Variants in DSCAM observed in about 807,000 individuals in gnomAD.
DSCAM encodes the protein cell adhesion molecule DSCAM.
In DSCAM, 47 loss-of-function variants were observed where a neutral mutation model predicts 217.7. That is an observed-to-expected ratio of 0.22 (90% CI 0.17 to 0.28). The LOEUF is 0.28. DSCAM is among the 10% of genes least tolerant of loss of function. DSCAM has a pLI of 1.00. For synonymous variants in DSCAM, 1,056 were observed against 1,015.3 expected, an observed-to-expected ratio of 1.04 and a Z score of -0.76; for missense variants, 2,080 against 2,618.3, an observed-to-expected ratio of 0.79 and a Z score of 4.49.
intron 16 of DSCAM, among the ~76,000 whole-genome samples, chr21:40,164,291 T>C (rs1305978490): frequency 3.9e-5 from 6 of 152,058 alleles, no homozygotes; most frequent in Admixed American, 6.5e-5. Context: ...GGTAAGCATG[T>C]TACAAACTGC....
At chr21:40,065,357 A>G (rs1309489071) in intron 27 of DSCAM, among the ~76,000 whole-genome samples, 1 of 152,120 alleles carries the variant, frequency 6.6e-6, no homozygotes, top group Non-Finnish European at 1.5e-5. Flanking sequence ...ATATCCCCAT[A>G]GAGAGAGTGC....
chr21:40,099,678 A>C (rs1601328852), intron 20 of DSCAM, among the ~76,000 whole-genome samples: 1 of 152,332 alleles, frequency 6.6e-6, no homozygotes, highest in East Asian at 1.9e-4. Context: ...TTAAAGCGTG[A>C]GAATGCTCCT....
rs147929762 is a variant in DSCAM at position 40,659,839 on chromosome 21, A to G, written c.508+32971T>C. On this transcript the variant is annotated intron_variant, in intron 3 of 32. Transcript: ENST00000400454. ...TTTAAAGCTAAAGCCAACGATAGAA[A>G]CCATAATTAATAATATTTTCAGACA... Among the ~76,000 whole-genome samples the G allele has an allele frequency of 2.9e-3, 444 of 152,360 alleles. 5 individuals carry two copies. Among genetic ancestry groups the G allele is most frequent in the African/African-American group, 6.9e-3 (287 of 41,586 alleles).
chr21:40,139,469 C>T (rs1228278353), intron 18 of DSCAM, among the ~76,000 whole-genome samples: 1 of 151,920 alleles, frequency 6.6e-6, no homozygotes, highest in Non-Finnish European at 1.5e-5. Context: ...GGAAGGGTTG[C>T]GTTCTTCTGA....
intron 11 of DSCAM, among the ~76,000 whole-genome samples, chr21:40,209,037 C>A (rs1265632499): frequency 6.6e-6 from 1 of 152,186 alleles, no homozygotes. Flanking sequence ...ATTTTGAGAA[C>A]TCGCATTCAG....
intron 3 of DSCAM, among the ~76,000 whole-genome samples, chr21:40,637,632 A>ATATAAATATATATAT (rs1555875012): frequency 2.4e-5 from 1 of 42,228 alleles, no homozygotes; most frequent in Non-Finnish European, 4.2e-5. Context: ...TACATATATA[A>ATATAAATATATATAT]ATATATATAA....
intron 11 of DSCAM, among the ~76,000 whole-genome samples, chr21:40,241,885 C>A (rs534275720): frequency 6.6e-6 from 1 of 152,146 alleles, no homozygotes; most frequent in Non-Finnish European, 1.5e-5. Flanking sequence ...CTTTAGCAAA[C>A]TAATGCAAGA....
intron 4 of DSCAM, among the ~76,000 whole-genome samples, chr21:40,358,534 CGGTG>C (rs2074720880): frequency 6.6e-6 from 1 of 152,026 alleles, no homozygotes; most frequent in Non-Finnish European, 1.5e-5. Flanking sequence ...TGGCCCAGTG[CGGTG>C]ACTCACGCCT....
intron 3 of DSCAM, among the ~76,000 whole-genome samples, chr21:40,586,999 C>T (rs2146235503): frequency 6.6e-6 from 1 of 152,210 alleles, no homozygotes; most frequent in South Asian, 2.1e-4. Context: ...ATGAGTAATT[C>T]AAGGAGTACA....
chr21:40,197,930 T>C (rs1448113259), intron 11 of DSCAM, among the ~76,000 whole-genome samples: 1 of 152,176 alleles, frequency 6.6e-6, no homozygotes, highest in Non-Finnish European at 1.5e-5. Context: ...TCCCTTATAG[T>C]AGCGGAGGAG....
rs2076449695 is a variant in DSCAM at position 40,531,877 on chromosome 21, G to A, written c.508+160933C>T. ...ATCCCACTCAATGCTCTGCACAGCT[G>A]TCTATTGTGGGTGTCACTTTGAAGA... On this transcript the variant is annotated intron_variant, in intron 3 of 32. Transcript: ENST00000400454. Among the ~76,000 whole-genome samples, 3 of 152,218 alleles carry A rather than the reference G, an allele frequency of 2.0e-5. No individual in the cohort carries two copies. In the East Asian group the frequency reaches 5.8e-4, roughly 29 times the overall value.
At chr21:40,227,300 A>G (rs2091341898) in intron 11 of DSCAM, among the ~76,000 whole-genome samples, 1 of 152,204 alleles carries the variant, frequency 6.6e-6, no homozygotes, top group South Asian at 2.1e-4. Context: ...AGACAGGTGC[A>G]TCCTGTGAGA....
Position 40,524,519 on chromosome 21 carries a change from T to C in DSCAM, c.509-155274A>G, listed in dbSNP as rs568689680. 7.9e-5 allele frequency among the ~76,000 whole-genome samples: 12 copies of C among 151,874 alleles called. No homozygotes were observed. The East Asian group carries it at 2.3e-3, about 29-fold the overall frequency. On this transcript the variant is annotated intron_variant, in intron 3 of 32. Coordinates refer to ENST00000400454, the MANE Select transcript of DSCAM (RefSeq NM_001389.5). Reference sequence around the variant, plus strand: ...ACATAGAGTTAAGATTTTTCAGCGCTTTCTGTGTTATCATGTATTAACAAT... The same window carrying C: ...ACATAGAGTTAAGATTTTTCAGCGCCTTCTGTGTTATCATGTATTAACAAT...
intron 3 of DSCAM, among the ~76,000 whole-genome samples, chr21:40,557,428 C>T (rs922993111): frequency 6.6e-6 from 1 of 152,164 alleles, no homozygotes; most frequent in African/African-American, 2.4e-5. Context: ...GATCTCAGCT[C>T]ACTGCAAGCT....
At chr21:40,342,644 A>ATTTT (rs148949132) in intron 6 of DSCAM, among the ~76,000 whole-genome samples, 7 of 89,324 alleles carry the variant, frequency 7.8e-5, no homozygotes, top group Admixed American at 2.8e-4. Context: ...ATATATATAT[A>ATTTT]TATATTTTTT....
chr21:40,362,068 C>T (rs958418110), intron 4 of DSCAM, among the ~76,000 whole-genome samples: 18 of 152,112 alleles, frequency 1.2e-4, no homozygotes, highest in Admixed American at 2.6e-4. Flanking sequence ...TGATGATTTC[C>T]AATTTCATCC....
At chr21:40,288,562 T>C (rs1291407271) in intron 10 of DSCAM, among the ~76,000 whole-genome samples, 2 of 152,210 alleles carry the variant, frequency 1.3e-5, no homozygotes, top group Non-Finnish European at 2.9e-5. Context: ...CGTATGGTGC[T>C]GAACAGGCAA....
At chr21:40,338,609 G>A (rs1601563773) in intron 7 of DSCAM, among the ~76,000 whole-genome samples, 2 of 152,172 alleles carry the variant, frequency 1.3e-5, no homozygotes, top group African/African-American at 2.4e-5. Flanking sequence ...CTATGAAAAT[G>A]TTTTGAATTA....
At chr21:40,128,549 G>A (rs1032845363) in intron 19 of DSCAM, among the ~76,000 whole-genome samples, 27 of 152,022 alleles carry the variant, frequency 1.8e-4, no homozygotes, top group African/African-American at 6.5e-4. Flanking sequence ...AAGAGGAGAT[G>A]GAGGTCAGAG....
Sources: allele counts gnomAD v4.1 joint callset (sites outside exome capture counted in the v4.1 genomes callset), GRCh38; gene constraint gnomAD v4.1.1; transcripts MANE v1.5; gene names NCBI Gene and HGNC (gene_info 2026-07-23, HGNC 2026-07-21).